GALNT10: variants seen among roughly 807,000 people sequenced by gnomAD.
The protein encoded by GALNT10 is polypeptide N-acetylgalactosaminyltransferase 10, also known as GalNAc transferase 10.
In GALNT10, 41 loss-of-function variants were observed where a neutral mutation model predicts 75.0. The observed-to-expected ratio is 0.55, with a 90% CI of 0.43 to 0.71. The LOEUF (loss-of-function observed/expected upper bound fraction) is 0.71. Ranked by LOEUF, GALNT10 falls within the 30% of genes least tolerant of loss-of-function variation. The pLI is 0.00. For missense variants in GALNT10, 727 were observed against 818.5 expected (o/e 0.89, Z 1.36); for synonymous variants, 302 against 313.0 (o/e 0.96, Z 0.37).
intron 7 of GALNT10, 159 bp downstream of exon 7, chr5:154,386,589 C>T: frequency 1.9e-5 from 7 of 360,254 alleles, no homozygotes; most frequent in Admixed American, 4.3e-5. Context: ...TCATGGGCCA[C>T]TCTTTGTTGT....
chr5:154,337,966 C>G, intron 4 of GALNT10: 2 of 1,576,534 alleles, frequency 1.3e-6, no homozygotes. Context: ...GAGTCATGGT[C>G]GTCAAAGGTT....
chr5:154,415,666 G>T, intron 10 of GALNT10, 117 bp from the exon 11 acceptor site: 3 of 1,020,298 alleles, frequency 2.9e-6, no homozygotes, highest in Non-Finnish European at 4.4e-6. Flanking sequence ...GTTAGAACAG[G>T]TTAATATATT....
At chr5:154,337,321 T>C in intron 4 of GALNT10, 3 of 436,466 alleles carry the variant, frequency 6.9e-6, no homozygotes, top group South Asian at 6.3e-5. Context: ...TACACATGAA[T>C]ATTTGTCTAA....
intron 3 of GALNT10, among the ~76,000 whole-genome samples, chr5:154,327,296 A>G (rs1348868704): frequency 6.6e-6 from 1 of 152,208 alleles, no homozygotes; most frequent in African/African-American, 2.4e-5. Flanking sequence ...GTAGTAAGGA[A>G]CACCCTTAGT....
chr5:154,297,440 A>T (rs1037848717), intron 2 of GALNT10, among the ~76,000 whole-genome samples: 1 of 152,226 alleles, frequency 6.6e-6, no homozygotes, highest in African/African-American at 2.4e-5. Context: ...GTAGTTTACA[A>T]AAAGCTTTCA....
chr5:154,258,419 C>T (rs1416688547), intron 1 of GALNT10, among the ~76,000 whole-genome samples: 1 of 152,160 alleles, frequency 6.6e-6, no homozygotes, highest in Non-Finnish European at 1.5e-5. Context: ...AATCCACACA[C>T]ATATACCTAA....
intron 1 of GALNT10, chr5:154,220,188 A>G (rs749987910): frequency 6.6e-6 from 1 of 152,214 alleles, no homozygotes; most frequent in Non-Finnish European, 1.5e-5. Context: ...TTTAGAGAAG[A>G]TGAATTATCC....
chr5:154,261,657 A>G (rs1376465757), intron 1 of GALNT10, among the ~76,000 whole-genome samples: 3 of 152,158 alleles, frequency 2.0e-5, no homozygotes, highest in African/African-American at 7.2e-5. Context: ...ACCTTCTGTG[A>G]ATGACACCTG....
At chr5:154,278,336 A>G (rs1380264725) in intron 1 of GALNT10, among the ~76,000 whole-genome samples, 4 of 152,218 alleles carry the variant, frequency 2.6e-5, no homozygotes, top group African/African-American at 9.7e-5. Flanking sequence ...GTGGGGGTAG[A>G]TGAGTGGTTG....
In GALNT10 at chr5:154,356,149, A is replaced by G. The variant is rs75817811; in HGVS notation, c.569-20128A>G. ...AGCTAAAAAGATTATGTCTGCAATT[A>G]CAGATCTGCCGACTGCATCAACTCC... On this transcript the variant is annotated intron_variant, in intron 4 of 11. Transcript: ENST00000297107. 617 of 456,328 alleles carry G rather than the reference A, an allele frequency of 1.4e-3. 11 individuals carry two copies. In the East Asian group the frequency reaches 0.034, roughly 25 times the overall value. 28.3% of individuals were successfully genotyped at this position (456,328 alleles called of 1,614,324 possible). A position where few individuals can be genotyped will look rare whatever the true frequency, so the allele number is the denominator to read the frequency against.
chr5:154,242,377 G>A (rs1395201176), intron 1 of GALNT10, among the ~76,000 whole-genome samples: 1 of 152,124 alleles, frequency 6.6e-6, no homozygotes, highest in Non-Finnish European at 1.5e-5. Context: ...TTTCTAGGGT[G>A]ACTGTTATGG....
intron 1 of GALNT10, among the ~76,000 whole-genome samples, chr5:154,253,028 G>A (rs1436157868): frequency 8.5e-6 from 1 of 117,170 alleles, no homozygotes; most frequent in Non-Finnish European, 1.8e-5. Flanking sequence ...TTTTAGTTTA[G>A]TCTTCATTTG....
chr5:154,410,520 C>A (rs1450833233), intron 9 of GALNT10, among the ~76,000 whole-genome samples: 1 of 152,166 alleles, frequency 6.6e-6, no homozygotes, highest in East Asian at 1.9e-4. Context: ...CCACTGCACT[C>A]CAGCCTGGTG....
At chr5:154,261,475 A>G (rs1252703025) in intron 1 of GALNT10, among the ~76,000 whole-genome samples, 2 of 152,196 alleles carry the variant, frequency 1.3e-5, no homozygotes, top group South Asian at 2.1e-4. Flanking sequence ...CTTGGACACT[A>G]AAGTGCATTC....
At chr5:154,262,491 A>G (rs73806124) in intron 1 of GALNT10, among the ~76,000 whole-genome samples, 5 of 152,184 alleles carry the variant, frequency 3.3e-5, no homozygotes, top group Admixed American at 1.3e-4. Flanking sequence ...TCCATCACTC[A>G]AGACAGCCCA....
chr5:154,202,990 A>G (rs1235247008), intron 1 of GALNT10, among the ~76,000 whole-genome samples: 2 of 152,248 alleles, frequency 1.3e-5, no homozygotes, highest in Non-Finnish European at 2.9e-5. Context: ...CCAGGGAACA[A>G]TGGGGCACGT....
intron 1 of GALNT10, among the ~76,000 whole-genome samples, chr5:154,254,460 CTT>C (rs1176885613): frequency 6.6e-6 from 1 of 150,746 alleles, no homozygotes; most frequent in Non-Finnish European, 1.5e-5. Context: ...TTTTGCAGCC[CTT>C]TTGGTCCCAG....
intron 2 of GALNT10, 108 bp from the exon 3 acceptor site, chr5:154,297,833 A>T (rs1279239156): frequency 2.2e-5 from 22 of 1,018,154 alleles, no homozygotes; most frequent in Non-Finnish European, 3.1e-5. Context: ...CTATATCCAA[A>T]TCAAGTTTTA....
intron 7 of GALNT10, among the ~76,000 whole-genome samples, chr5:154,391,934 T>C (rs1049792341): frequency 1.3e-5 from 2 of 152,196 alleles, no homozygotes; most frequent in African/African-American, 4.8e-5. Context: ...GCTGGCCCCA[T>C]GCCCATCCCT....
Sources: allele counts gnomAD v4.1 joint callset (sites outside exome capture counted in the v4.1 genomes callset), GRCh38; gene constraint gnomAD v4.1.1; transcripts MANE v1.5; gene names NCBI Gene and HGNC (gene_info 2026-07-23, HGNC 2026-07-21).